MYZAP: variants seen among roughly 807,000 people sequenced by gnomAD.
The protein encoded by MYZAP is myocardial zonula adherens protein, also known as GRINL1A complex locus upstream.
MYZAP carries 66 observed loss-of-function variants against 69.4 expected under a neutral mutation model. That is an observed-to-expected ratio of 0.95 (90% confidence interval 0.78 to 1.17). The LOEUF (loss-of-function observed/expected upper bound fraction) is 1.17. MYZAP is among the 50% of genes most tolerant of loss of function. The pLI, the probability that MYZAP is intolerant of heterozygous loss-of-function variation, is 0.00. For missense variants in MYZAP, 611 were observed against 556.2 expected (o/e 1.10, Z -0.99); for synonymous variants, 256 against 205.9 (o/e 1.24, Z -2.09).
At chr15:57,683,061 A>G (rs1376535939) in intron 12 of MYZAP, among the ~76,000 whole-genome samples, 1 of 152,124 alleles carries the variant, frequency 6.6e-6, no homozygotes, top group Non-Finnish European at 1.5e-5. Flanking sequence ...TTTAAGGGAA[A>G]TAAACAAGGG....
At chr15:57,645,400 C>A (rs1309898890) in intron 10 of MYZAP, among the ~76,000 whole-genome samples, 1 of 152,202 alleles carries the variant, frequency 6.6e-6, no homozygotes, top group Non-Finnish European at 1.5e-5. Flanking sequence ...AATCCACATG[C>A]ATCTGCAGTT....
chr15:57,667,493 T>C (rs1254014237), intron 11 of MYZAP, among the ~76,000 whole-genome samples: 1 of 152,188 alleles, frequency 6.6e-6, no homozygotes, highest in Non-Finnish European at 1.5e-5. Context: ...TGCTTCTCAA[T>C]CCCAGAAGCA....
intron 1 of MYZAP, among the ~76,000 whole-genome samples, chr15:57,603,155 G>A (rs4774275): frequency 0.3 from 45,039 of 151,898 alleles, 6,842 homozygotes; most frequent in Non-Finnish European, 0.34. Context: ...ATAAACTGAC[G>A]TGAGAATCTC....
chr15:57,635,216 A>G (rs1001102990), intron 8 of MYZAP, among the ~76,000 whole-genome samples: 3 of 152,332 alleles, frequency 2.0e-5, no homozygotes, highest in Admixed American at 2.0e-4. Context: ...AAATGCTGAT[A>G]ATGGTACTTC....
intron 11 of MYZAP, among the ~76,000 whole-genome samples, chr15:57,664,616 TTTAG>T (rs1302297757): frequency 6.6e-6 from 1 of 152,244 alleles, no homozygotes; most frequent in African/African-American, 2.4e-5. Context: ...TTACATGTTC[TTTAG>T]TTATTCTTTC....
intron 10 of MYZAP, among the ~76,000 whole-genome samples, chr15:57,654,430 A>G (rs1192848666): frequency 1.3e-5 from 2 of 152,058 alleles, no homozygotes; most frequent in African/African-American, 4.8e-5. Flanking sequence ...CACCTTTTAT[A>G]TGCTCTGTAT....
chr15:57,658,897 T>C (rs1006172386), intron 10 of MYZAP, among the ~76,000 whole-genome samples: 2 of 152,234 alleles, frequency 1.3e-5, no homozygotes, highest in African/African-American at 4.8e-5. Context: ...CTGTCATTCC[T>C]TGGCCATTGA....
rs1055032588 is a variant in MYZAP, at chr15:57,648,249, G to A, written c.1119+8704G>A. 8.1e-6 allele frequency: 8 copies of A among 985,334 alleles called. No individual in the cohort carries two copies. In the South Asian group the frequency reaches 3.3e-4, roughly 41 times the overall value. The allele number at this position is 985,334 out of a possible 1,614,324, so 61.0% of individuals were successfully genotyped here. On this transcript the variant is annotated intron_variant, in intron 10 of 12. Coordinates refer to ENST00000267853, the MANE Select transcript of MYZAP (RefSeq NM_001018100.5). ...AAAAAGCAGGTTCATTCTATGACAG[G>A]TATTGGTTTCGGTATTCACAATATA... is the stretch of plus-strand genomic sequence containing the variant.
chr15:57,680,728 T>C (rs2039389961), intron 12 of MYZAP: 1 of 152,200 alleles, frequency 6.6e-6, no homozygotes, highest in Non-Finnish European at 1.5e-5. Context: ...TTTCATCAAT[T>C]ATGTCTTAAT....
rs59322468 is a variant in MYZAP at position 57,629,971 on chromosome 15, A to ATTTTTTTTTTTTTTT, written c.678+118_678+132dup. 105 of 875,218 alleles carry ATTTTTTTTTTTTTTT rather than the reference A, an allele frequency of 1.2e-4. 6 individuals are homozygous for ATTTTTTTTTTTTTTT. In the African/African-American group the frequency reaches 1.6e-3, roughly 14 times the overall value. 54.2% of individuals were successfully genotyped at this position (875,218 alleles called of 1,614,324 possible). The stretch of plus-strand genomic sequence containing the variant: ...TTTTCTCCATTCTCTTCTTCATTGG[A>ATTTTTTTTTTTTTTT]TTTTTTTTTTTTTTTGAGACAGAGT... On this transcript the variant is annotated intron_variant, in intron 6 of 12. Transcript: ENST00000267853.
intron 2 of MYZAP, among the ~76,000 whole-genome samples, chr15:57,606,281 A>G (rs1364505954): frequency 6.6e-6 from 1 of 152,160 alleles, no homozygotes; most frequent in Non-Finnish European, 1.5e-5. Context: ...GAGGTGATTC[A>G]CCTAAGAGGT....
intron 2 of MYZAP, among the ~76,000 whole-genome samples, chr15:57,616,032 C>CGGG (rs2035417251): frequency 6.6e-6 from 1 of 152,224 alleles, no homozygotes; most frequent in Non-Finnish European, 1.5e-5. Context: ...TCTAGCGCCC[C>CGGG]TACCCCATCC....
At chr15:57,615,027 TC>T (rs1430251326) in intron 2 of MYZAP, among the ~76,000 whole-genome samples, 3 of 152,162 alleles carry the variant, frequency 2.0e-5, no homozygotes, top group African/African-American at 2.4e-5. Flanking sequence ...AGGAGTCCTC[TC>T]CCCTGGTGTG....
intron 12 of MYZAP, 99 bp downstream of exon 12, chr15:57,675,167 A>T: frequency 1.8e-6 from 2 of 1,096,074 alleles, no homozygotes; most frequent in Non-Finnish European, 2.6e-6. Context: ...CATTCTTCCT[A>T]TCACAAATAT....
At chr15:57,622,315 A>G (rs909697042) in intron 4 of MYZAP, among the ~76,000 whole-genome samples, 4 of 152,208 alleles carry the variant, frequency 2.6e-5, no homozygotes, top group Non-Finnish European at 4.4e-5. Flanking sequence ...ATGTGCTTAG[A>G]AAGGAAGATT....
At chr15:57,644,055 G>T (rs968632733) in intron 10 of MYZAP, among the ~76,000 whole-genome samples, 7 of 152,234 alleles carry the variant, frequency 4.6e-5, no homozygotes, top group Non-Finnish European at 5.9e-5. Flanking sequence ...TTTAAGACAT[G>T]CCTGAACCTG....
chr15:57,596,581 G>C (rs2034071469), intron 1 of MYZAP, among the ~76,000 whole-genome samples: 1 of 152,194 alleles, frequency 6.6e-6, no homozygotes. Flanking sequence ...ACTCTTAAAG[G>C]CCGGGGTGAT....
chr15:57,591,950 C>G lies in MYZAP; in HGVS notation c.-85C>G. On this transcript the variant is annotated 5_prime_UTR_variant, in exon 1 of 13. Coordinates refer to ENST00000267853, the MANE Select transcript of MYZAP (RefSeq NM_001018100.5). ...GCAAGTAGCCGGCGCCGTCCCGCGT[C>G]GCCCCCGCGCAGGGCGGGCCCCGCA... is the stretch of plus-strand genomic sequence containing the variant. 2 of 1,202,944 alleles carry G rather than the reference C, an allele frequency of 1.7e-6. No individual in the cohort carries two copies. Among genetic ancestry groups the G allele is most frequent in the Non-Finnish European group, 2.1e-6 (2 of 959,184 alleles). The allele number at this position is 1,202,944 out of a possible 1,614,324, so 74.5% of individuals were successfully genotyped here.
chr15:57,679,340 TTG>T (rs34683334), intron 12 of MYZAP, among the ~76,000 whole-genome samples: 27 of 125,602 alleles, frequency 2.1e-4, no homozygotes, highest in African/African-American at 7.2e-4. Context: ...TTTCACCTCT[TTG>T]TGTGTGTGTG....
Sources: allele counts gnomAD v4.1 joint callset (sites outside exome capture counted in the v4.1 genomes callset), GRCh38; gene constraint gnomAD v4.1.1; transcripts MANE v1.5; gene names NCBI Gene and HGNC (gene_info 2026-07-23, HGNC 2026-07-21).